Variants in ATP6V1C2 observed in about 807,000 individuals in gnomAD.
The protein encoded by ATP6V1C2 is V-type proton ATPase subunit C 2.
Under a neutral mutation model 56.8 loss-of-function variants are expected in ATP6V1C2, and 45 were observed. The observed-to-expected ratio is 0.79, with a 90% CI of 0.62 to 1.02. The LOEUF (loss-of-function observed/expected upper bound fraction) is 1.02. Among genes scored for constraint, ATP6V1C2 ranks in the 50% least tolerant of loss-of-function variants. The pLI is 0.00. For missense variants in ATP6V1C2, 463 were observed against 519.7 expected (o/e 0.89, Z 1.06); for synonymous variants, 220 against 201.3 (o/e 1.09, Z -0.79).
At chr2:10,730,709 A>C (rs1661903871) in intron 3 of ATP6V1C2, among the ~76,000 whole-genome samples, 1 of 137,914 alleles carries the variant, frequency 7.3e-6, no homozygotes, top group Non-Finnish European at 1.5e-5. Context: ...CTGGAGTGCA[A>C]TGGCACAATC....
intron 3 of ATP6V1C2, among the ~76,000 whole-genome samples, chr2:10,752,312 C>T (rs1038322704): frequency 2.0e-5 from 3 of 152,122 alleles, no homozygotes; most frequent in Non-Finnish European, 4.4e-5. Flanking sequence ...GTCCCGTGTC[C>T]CTGCCTCTGT....
At chr2:10,772,500 C>A in intron 7 of ATP6V1C2, 42 bp from the exon 8 acceptor site, 1 of 1,567,954 alleles carries the variant, frequency 6.4e-7, no homozygotes, top group Non-Finnish European at 8.8e-7. Flanking sequence ...ACCCACGAGC[C>A]TTTTCTGCAA....
chr2:10,775,284 C>T lies in ATP6V1C2; in HGVS notation c.825+213C>T, dbSNP rs780970969. ...GGAGCCCAGGCGGTGGAGCTGGGGG[C>T]GGGAGCCGGGGGCCCACCCAAGCTG... is the stretch of plus-strand genomic sequence containing the variant. On this transcript the variant is annotated intron_variant, in intron 10 of 13. Transcript: ENST00000272238. Among the ~76,000 whole-genome samples, 5 of 152,280 alleles carry T rather than the reference C, an allele frequency of 3.3e-5. No individual in the cohort carries two copies. In the East Asian group the frequency reaches 5.8e-4, roughly 18 times the overall value.
intron 3 of ATP6V1C2, among the ~76,000 whole-genome samples, chr2:10,743,996 AATAAT>A (rs1252137719): frequency 1.3e-4 from 4 of 29,804 alleles, no homozygotes; most frequent in African/African-American, 2.6e-4. Context: ...AAAAAAAAAA[AATAAT>A]AATAATAAAT....
At chr2:10,781,902 G>A (rs1355622662) in intron 12 of ATP6V1C2, among the ~76,000 whole-genome samples, 2 of 152,160 alleles carry the variant, frequency 1.3e-5, no homozygotes, top group Admixed American at 6.5e-5. Flanking sequence ...GGAGAAAAAC[G>A]GCCGAGCTGG....
At chr2:10,771,721 C>A in intron 6 of ATP6V1C2, 118 bp from the exon 7 acceptor site, 1 of 769,014 alleles carries the variant, frequency 1.3e-6, no homozygotes, top group Non-Finnish European at 2.3e-6. Flanking sequence ...GCTCCAGCAT[C>A]CCTGGCACCC....
At chr2:10,730,379 G>A (rs1474337066) in intron 3 of ATP6V1C2, among the ~76,000 whole-genome samples, 1 of 152,164 alleles carries the variant, frequency 6.6e-6, no homozygotes, top group African/African-American at 2.4e-5. Context: ...GCCTCCCAAA[G>A]TGTTGGGATT....
intron 4 of ATP6V1C2, among the ~76,000 whole-genome samples, chr2:10,761,468 C>T (rs923044909): frequency 3.5e-4 from 53 of 152,222 alleles, no homozygotes; most frequent in African/African-American, 1.1e-3. Context: ...ACTTCCACCC[C>T]GGGCCTGTAC....
chr2:10,738,653 GC>G (rs1250827676), intron 3 of ATP6V1C2, among the ~76,000 whole-genome samples: 2 of 152,128 alleles, frequency 1.3e-5, no homozygotes, highest in African/African-American at 4.8e-5. Flanking sequence ...ATTTTCACGA[GC>G]TTCAGGGGCA....
At chr2:10,743,197 A>G (rs1572530482) in intron 3 of ATP6V1C2, among the ~76,000 whole-genome samples, 1 of 151,984 alleles carries the variant, frequency 6.6e-6, no homozygotes, top group South Asian at 2.1e-4. Context: ...CCTCACTGCA[A>G]CCAGCCTCAC....
intron 4 of ATP6V1C2, among the ~76,000 whole-genome samples, chr2:10,756,700 AGAGTGAAACTC>A (rs779919172): frequency 6.6e-5 from 10 of 152,182 alleles, no homozygotes; most frequent in Non-Finnish European, 1.5e-4. Flanking sequence ...CTAGGAGACA[AGAGTGAAACTC>A]TGTCTCAAAA....
chr2:10,751,185 C>T (rs963916842), intron 3 of ATP6V1C2, among the ~76,000 whole-genome samples: 1 of 152,102 alleles, frequency 6.6e-6, no homozygotes, highest in Admixed American at 6.6e-5. Flanking sequence ...CCTAGGCTGG[C>T]AGGGACAAGA....
chr2:10,726,769 G>C (rs1347138023), intron 3 of ATP6V1C2, among the ~76,000 whole-genome samples, 200 bp downstream of exon 3: 1 of 152,180 alleles, frequency 6.6e-6, no homozygotes, highest in Non-Finnish European at 1.5e-5. Context: ...TTTGTCTGCT[G>C]GAGGCAGCAC....
Position 10,744,817 on chromosome 2 carries a change from C to T in ATP6V1C2, c.198-9164C>T, listed in dbSNP as rs551325821. On this transcript the variant is annotated intron_variant, in intron 3 of 13. Coordinates refer to ENST00000272238, the MANE Select transcript of ATP6V1C2 (RefSeq NM_001039362.2). ...CCGAGTAGCTGGGACTACAGGCGTG[C>T]GCCACCACGCCCAGCTGATTTTTTT... Among the ~76,000 whole-genome samples the T allele has an allele frequency of 1.1e-4, 16 of 150,348 alleles. No individual in the cohort carries two copies. The South Asian group carries it at 2.7e-3, about 26-fold the overall frequency.
chr2:10,741,927 C>G (rs1440715049), intron 3 of ATP6V1C2, among the ~76,000 whole-genome samples: 1 of 108,512 alleles, frequency 9.2e-6, no homozygotes, highest in Non-Finnish European at 1.9e-5. Context: ...TCCTTCCTTC[C>G]TTCCATGGAG....
chr2:10,768,493 T>C (rs1664374180), intron 5 of ATP6V1C2, among the ~76,000 whole-genome samples: 1 of 152,166 alleles, frequency 6.6e-6, no homozygotes, highest in Non-Finnish European at 1.5e-5. Flanking sequence ...TCAGGAAAGG[T>C]TGGGCTCACT....
At chr2:10,765,004 A>C (rs1189503993) in intron 5 of ATP6V1C2, among the ~76,000 whole-genome samples, 1 of 151,728 alleles carries the variant, frequency 6.6e-6, no homozygotes, top group Non-Finnish European at 1.5e-5. Context: ...CTGATGGTGA[A>C]GGCAGCTCCC....
At chr2:10,777,303 C>T (rs1665058715) in intron 10 of ATP6V1C2, among the ~76,000 whole-genome samples, 1 of 152,186 alleles carries the variant, frequency 6.6e-6, no homozygotes, top group South Asian at 2.1e-4. Context: ...TGGCTGAGCC[C>T]AAGCAAGGGG....
intron 3 of ATP6V1C2, among the ~76,000 whole-genome samples, chr2:10,741,038 G>C (rs4669616): frequency 0.99 from 150,098 of 152,346 alleles, 73,982 homozygotes; most frequent in Non-Finnish European, 1. Flanking sequence ...CCGCATGTGG[G>C]TGACTCTATA....
Sources: gnomAD v4.1 joint callset for allele counts (sites outside exome capture counted in the v4.1 genomes callset) on GRCh38, gnomAD v4.1.1 for gene constraint, MANE v1.5 for transcripts, NCBI Gene and HGNC (gene_info 2026-07-23, HGNC 2026-07-21) for gene names.